The following ZMYM2 variants were observed in gnomAD, a reference collection of about 807,000 sequenced individuals.
The protein encoded by ZMYM2 is zinc finger MYM-type protein 2.
Under a neutral mutation model 162.8 loss-of-function variants are expected in ZMYM2, and 56 were observed. The observed-to-expected ratio is 0.34, with a 90% CI of 0.28 to 0.43. The LOEUF (loss-of-function observed/expected upper bound fraction) is 0.43. Among genes scored for constraint, ZMYM2 ranks in the 20% least tolerant of loss-of-function variants. The pLI is 1.00. For missense variants in ZMYM2, 1,275 were observed against 1,621.8 expected (o/e 0.79, Z 3.67); for synonymous variants, 510 against 541.6 (o/e 0.94, Z 0.81).
rs1035569095 is a variant in ZMYM2, at chr13:20,003,056, C to T, written c.1054C>T (p.His352Tyr). 6.2e-7 allele frequency: 1 copy of T among 1,614,086 alleles called. No homozygotes were observed. Among genetic ancestry groups the T allele is most frequent in the African/African-American group, 1.3e-5 (1 of 74,938 alleles). ...AGCTTATCAACGAAAAGGATCAGCT[C>T]ACCTCTTTTGTTCTACCACCTGCCT... The part of the protein sequence containing the change: ...QTAYQRKGSA[H>Y]LFCSTTCLSS... The change falls in exon 4 of 25, where the codon CAC becomes TAC. Residue 352 changes from histidine (H) to tyrosine (Y), a missense_variant. This residue lies in a region of ZMYM2 where 115 missense variants were observed against 175.3 expected (regional missense o/e 0.66). Coordinates refer to ENST00000610343, the MANE Select transcript of ZMYM2 (RefSeq NM_197968.4).
the ZMYM2 span, among the ~76,000 whole-genome samples, chr13:19,920,517 G>A: frequency 1.3e-4 from 19 of 151,134 alleles, no homozygotes; most frequent in Non-Finnish European, 2.4e-4. Context: ...GGGAAGGGGA[G>A]GGGAAAAAGA....
intron 15 of ZMYM2, chr13:20,059,041 C>T (rs1047861921): frequency 2.4e-6 from 1 of 409,394 alleles, no homozygotes; most frequent in Non-Finnish European, 4.5e-6. Flanking sequence ...GGTAACAGTT[C>T]TGTTTCCTTC....
At chr13:20,007,438 G>A (rs1047840213) in intron 6 of ZMYM2, among the ~76,000 whole-genome samples, 1 of 151,656 alleles carries the variant, frequency 6.6e-6, no homozygotes, top group African/African-American at 2.4e-5. Flanking sequence ...CACCCGTCCA[G>A]GTTAATGTTA....
the ZMYM2 span, among the ~76,000 whole-genome samples, chr13:19,884,642 T>G: frequency 6.6e-6 from 1 of 152,124 alleles, no homozygotes; most frequent in Non-Finnish European, 1.5e-5. Flanking sequence ...CGTACTTAGT[T>G]TGGTCCTTCC....
At chr13:20,065,248 A>C (rs929639465) in intron 19 of ZMYM2, among the ~76,000 whole-genome samples, 3 of 152,090 alleles carry the variant, frequency 2.0e-5, no homozygotes, top group African/African-American at 7.2e-5. Flanking sequence ...GGGAGAGAAT[A>C]CTTGGAGTGG....
chr13:19,892,938 C>T, the ZMYM2 span, among the ~76,000 whole-genome samples: 1 of 151,484 alleles, frequency 6.6e-6, no homozygotes, highest in Non-Finnish European at 1.5e-5. Flanking sequence ...TGGTCTTGAA[C>T]TCATGACCTC....
At chr13:19,951,572 T>C in the ZMYM2 span, among the ~76,000 whole-genome samples, 15 of 142,716 alleles carry the variant, frequency 1.1e-4, no homozygotes, top group African/African-American at 3.9e-4. Context: ...GGTCGTGGTG[T>C]GCGCATGTAA....
In ZMYM2 at chr13:19,983,138, C is replaced by G. The variant is rs1024764242; in HGVS notation, c.-10-9925C>G. Among the ~76,000 whole-genome samples, 7 of 150,080 alleles carry G rather than the reference C, an allele frequency of 4.7e-5. No homozygotes were observed. The East Asian group carries it at 1.4e-3, about 29-fold the overall frequency. ...GTATAATTTGTATATAATATTTTCC[C>G]CACTTTCACTTTTTTTTTTTTTTTG... On this transcript the variant is annotated intron_variant, in intron 2 of 24. Transcript: ENST00000610343.
At position 20,002,983 on chromosome 13, in the gene ZMYM2, T is replaced by A; in HGVS notation, c.981T>A (p.Val327=). Residue 327 remains valine, a synonymous_variant, in exon 4 of 25, where the codon GTT becomes GTA. Coordinates refer to ENST00000610343, the MANE Select transcript of ZMYM2 (RefSeq NM_197968.4). ...TCCAACAGCAGCCTACTAAACCAGT[T>A]AAAGTCACTTGTGCAAACTGCAAAA... The part of the protein sequence containing the change: ...PSVQQQPTKP[V]KVTCANCKKP... The A allele has an allele frequency of 6.2e-7, 1 of 1,614,152 alleles. No individual in the cohort carries two copies. The highest frequency in any genetic ancestry group is 1.6e-4 in the Middle Eastern group (1 of 6,062).
intron 7 of ZMYM2, 86 bp from the exon 8 acceptor site, chr13:20,026,526 A>C (rs1952596707): frequency 3.0e-6 from 4 of 1,349,214 alleles, no homozygotes; most frequent in Non-Finnish European, 9.9e-7. Flanking sequence ...TGTTTTGCAG[A>C]GGCAAAAAGT....
At chr13:20,071,219 CCCA>C in intron 21 of ZMYM2, among the ~76,000 whole-genome samples, 1 of 152,236 alleles carries the variant, frequency 6.6e-6, no homozygotes, top group East Asian at 1.9e-4. Context: ...ATTACAGGTG[CCCA>C]CCATCATGCC....
intron 2 of ZMYM2, among the ~76,000 whole-genome samples, chr13:19,981,318 A>C (rs7323970): frequency 1.7e-3 from 178 of 107,174 alleles, no homozygotes; most frequent in African/African-American, 0.01. Context: ...AAAAAACAAA[A>C]AACAAACCCC....
rs913138691 is a variant in ZMYM2, at chr13:20,019,473, A to G, written c.1513-74A>G. 24 of 1,287,808 alleles carry G rather than the reference A, an allele frequency of 1.9e-5. No homozygotes were observed. The East Asian group carries it at 5.1e-4, about 27-fold the overall frequency. The allele number at this position is 1,287,808 out of a possible 1,614,324, so 79.8% of individuals were successfully genotyped here. On this transcript the variant is annotated intron_variant, in intron 6 of 24. Transcript: ENST00000610343. Reference sequence around the variant, plus strand: ...TATAATTGAGAAGCAACTTTTACATAATGCTTATTTACCTTTCAATGTAGC... The same window carrying G: ...TATAATTGAGAAGCAACTTTTACATGATGCTTATTTACCTTTCAATGTAGC...
rs534061436 is a variant in ZMYM2, at chr13:20,057,951, T to G, written c.2494-624T>G. ...CTCATATCTTCCACTTATTTCAGAT[T>G]TTATTTATGTGGGGTTTTGTCTTGT... On this transcript the variant is annotated intron_variant, in intron 14 of 24. Coordinates refer to ENST00000610343, the MANE Select transcript of ZMYM2 (RefSeq NM_197968.4). Among the ~76,000 whole-genome samples, 13 of 152,290 alleles carry G rather than the reference T, an allele frequency of 8.5e-5. No homozygotes were observed. In the South Asian group the frequency reaches 1.0e-3, roughly 12 times the overall value.
At chr13:19,997,646 C>A (rs1027773162) in intron 3 of ZMYM2, among the ~76,000 whole-genome samples, 1 of 152,066 alleles carries the variant, frequency 6.6e-6, no homozygotes, top group Non-Finnish European at 1.5e-5. Context: ...TTCATTGTAA[C>A]CTTGCCGCTT....
chr13:20,012,778 T>A (rs752352024), intron 6 of ZMYM2, among the ~76,000 whole-genome samples: 4 of 152,220 alleles, frequency 2.6e-5, no homozygotes, highest in Non-Finnish European at 5.9e-5. Context: ...TTGTCAAATA[T>A]TAATTGGCCA....
intron 11 of ZMYM2, among the ~76,000 whole-genome samples, chr13:20,034,734 A>AT (rs534745773): frequency 5.3e-4 from 80 of 152,304 alleles, no homozygotes; most frequent in Middle Eastern, 3.4e-3. Context: ...CATTAGCTCC[A>AT]TTTTCCCTGC....
At chr13:19,978,981 A>G (rs1003923645) in intron 2 of ZMYM2, among the ~76,000 whole-genome samples, 1 of 151,922 alleles carries the variant, frequency 6.6e-6, no homozygotes, top group African/African-American at 2.4e-5. Context: ...GTTTCACCTT[A>G]TTTTTGGAGG....
Position 20,086,183 on chromosome 13 carries a change from A to G in ZMYM2, c.*169A>G. 1.8e-6 allele frequency: 1 copy of G among 553,668 alleles called. No individual in the cohort carries two copies. 34.3% of individuals were successfully genotyped at this position (553,668 alleles called of 1,614,324 possible). ...TAATCTGTGAGTGAAAGTTGCCATT[A>G]TTCTATGTAGTGGTTTTAGGATACT... On this transcript the variant is annotated 3_prime_UTR_variant, in exon 25 of 25. Transcript: ENST00000610343.
Sources: allele counts gnomAD v4.1 joint callset (sites outside exome capture counted in the v4.1 genomes callset), GRCh38; gene constraint gnomAD v4.1.1; regional missense constraint gnomAD v4.1.1; transcripts MANE v1.5; gene names NCBI Gene and HGNC (gene_info 2026-07-23, HGNC 2026-07-21).